The following HELB variants were observed in gnomAD, a reference collection of about 807,000 sequenced individuals.
HELB encodes the protein DNA 5'-3' helicase B.
Under a neutral mutation model 101.7 loss-of-function variants are expected in HELB, and 96 were observed. The ratio of observed to expected loss-of-function variants is 0.94; its 90% CI spans 0.80 to 1.12. The LOEUF (loss-of-function observed/expected upper bound fraction) is 1.12. Among genes scored for constraint, HELB ranks in the 50% most tolerant of loss-of-function variants. The probability of loss-of-function intolerance (pLI) is 0.00; values close to 1 mark genes in which losing one functional copy is unlikely to be tolerated. For synonymous variants in HELB, 437 were observed against 459.7 expected, an observed-to-expected ratio of 0.95 and a Z score of 0.63; for missense variants, 1,210 against 1,291.9, an observed-to-expected ratio of 0.94 and a Z score of 0.97.
At chr12:66,307,087 A>C (rs971476883) in intron 3 of HELB, among the ~76,000 whole-genome samples, 15 of 152,210 alleles carry the variant, frequency 9.9e-5, no homozygotes, top group African/African-American at 3.6e-4. Flanking sequence ...TTGGAAACCA[A>C]ATGTGGTACT....
Position 66,315,374 on chromosome 12 carries a change from A to ATGC in HELB, c.1993_1995dup (p.Ala665dup). On this transcript the variant is annotated inframe_insertion, in exon 6 of 13. Coordinates refer to ENST00000247815, the MANE Select transcript of HELB (RefSeq NM_001370285.1). ...GCAGAATCTCAGCTCATTGTGGACAATGCTACAAGGTATAATATTACTAAG... is the reference window on the plus strand; with the variant it reads ...GCAGAATCTCAGCTCATTGTGGACAATGCTGCTACAAGGTATAATATTACTAAG... 1 of 1,588,570 alleles carries ATGC rather than the reference A, an allele frequency of 6.3e-7. No homozygotes were observed. The highest frequency in any genetic ancestry group is 1.2e-5 in the South Asian group (1 of 86,038).
At position 66,318,789 on chromosome 12, in the gene HELB, T is replaced by C; in HGVS notation, c.2152T>C (p.Ser718Pro). The change falls in exon 7 of 13, where the codon TCT becomes CCT. Residue 718 changes from serine (S) to proline (P), a missense_variant. This residue lies in a region of HELB where 740 missense variants were observed against 728.8 expected (regional missense o/e 1.02). Transcript: ENST00000247815. ...SSQSSKTNHH[S>P]CLYSAVKTLL... ...TCAGTCATCTAAAACTAATCATCAC[T>C]CTTGTAAGTATAAACTTCTATGAGA... The C allele has an allele frequency of 6.2e-7, 1 of 1,600,048 alleles. No homozygotes were observed. Among genetic ancestry groups the C allele is most frequent in the Non-Finnish European group, 8.5e-7 (1 of 1,175,642 alleles).
intron 10 of HELB, chr12:66,324,631 C>A: frequency 3.4e-6 from 1 of 295,938 alleles, no homozygotes; most frequent in Non-Finnish European, 6.4e-6. Context: ...GTGTAGATAC[C>A]CTCACTGAAA....
At chr12:66,320,354 C>A (rs2053656398) in intron 7 of HELB, among the ~76,000 whole-genome samples, 1 of 152,250 alleles carries the variant, frequency 6.6e-6, no homozygotes, top group Non-Finnish European at 1.5e-5. Context: ...TATCCATATA[C>A]AATCATATTT....
At chr12:66,340,295 C>G (rs529218505), downstream of HELB, 1 of 152,238 alleles carries the variant, frequency 6.6e-6, no homozygotes, top group South Asian at 2.1e-4. Flanking sequence ...TATCTGACTT[C>G]TTGATTATAG....
At chr12:66,312,648 TTAATATC>T (rs1190258783) in intron 4 of HELB, among the ~76,000 whole-genome samples, 1 of 152,216 alleles carries the variant, frequency 6.6e-6, no homozygotes, top group African/African-American at 2.4e-5. Context: ...TGGTAGTATC[TTAATATC>T]TGCTTGGGAT....
chr12:66,307,444 T>G (rs1383951344), intron 3 of HELB, among the ~76,000 whole-genome samples: 1 of 152,194 alleles, frequency 6.6e-6, no homozygotes. Flanking sequence ...TTTTTAGCTC[T>G]TTTAGAGGTC....
intron 6 of HELB, among the ~76,000 whole-genome samples, chr12:66,316,179 T>C (rs1215106642): frequency 2.0e-5 from 3 of 152,144 alleles, no homozygotes; most frequent in Non-Finnish European, 4.4e-5. Context: ...CTAGGAGCAA[T>C]AGGCTGTACT....
Position 66,310,285 on chromosome 12 carries a change from C to A in HELB, c.1357C>A (p.Pro453Thr). Residue 453 changes from proline to threonine, a missense_variant, in exon 4 of 13, where the codon CCA (proline) becomes ACA (threonine). Physicochemically the swap from Pro to Thr is conservative, Grantham distance 38 (BLOSUM62 -1). Transcript: ENST00000247815. ...VQLDQDQVEV[P>T]LDRDQVAALE... The stretch of plus-strand genomic sequence containing the variant: ...GCTGGATCAGGATCAGGTTGAAGTT[C>A]CACTGGATCGGGATCAGGTGGCTGC... 1 of 1,614,092 alleles carries A rather than the reference C, an allele frequency of 6.2e-7. No individual in the cohort carries two copies. Among genetic ancestry groups the A allele is most frequent in the Non-Finnish European group, 8.5e-7 (1 of 1,180,032 alleles).
At chr12:66,334,565 A>G (rs1365585319) in intron 12 of HELB, among the ~76,000 whole-genome samples, 1 of 151,952 alleles carries the variant, frequency 6.6e-6, no homozygotes, top group Non-Finnish European at 1.5e-5. Flanking sequence ...ACTTGAGCCC[A>G]GAAGTTCAAG....
chr12:66,331,738 A>G (rs1565644651), intron 12 of HELB, 93 bp downstream of exon 12: 2 of 1,213,360 alleles, frequency 1.6e-6, no homozygotes, highest in East Asian at 4.7e-5. Flanking sequence ...TTAGTGTTGC[A>G]TTGTGCTGTT....
At chr12:66,322,229 G>A (rs1371459383) in intron 8 of HELB, among the ~76,000 whole-genome samples, 200 bp downstream of exon 8, 2 of 152,090 alleles carry the variant, frequency 1.3e-5, no homozygotes, top group Non-Finnish European at 2.9e-5. Flanking sequence ...ATATTTAGAA[G>A]CTCATAGGGA....
chr12:66,340,081 T>C (rs1473846480), downstream of HELB: 1 of 152,278 alleles, frequency 6.6e-6, no homozygotes, highest in Non-Finnish European at 1.5e-5. Context: ...TATGAACATC[T>C]GTGTATAAGT....
Position 66,318,628 on chromosome 12 carries a change from T to A in HELB, c.2001-10T>A. 6.3e-7 allele frequency: 1 copy of A among 1,594,224 alleles called. No individual in the cohort carries two copies. The highest frequency in any genetic ancestry group is 8.5e-7 in the Non-Finnish European group (1 of 1,175,014). On this transcript the variant is annotated splice_polypyrimidine_tract_variant and intron_variant, in intron 6 of 12. Transcript: ENST00000247815. Reference sequence around the variant, plus strand: ...ATGTTCTTTGTGTGTGTGTGTTATCTTTATTCAAGAATCTCAAGACGCCAA... The same window carrying A: ...ATGTTCTTTGTGTGTGTGTGTTATCATTATTCAAGAATCTCAAGACGCCAA...
intron 12 of HELB, among the ~76,000 whole-genome samples, chr12:66,337,511 G>A (rs1193363319): frequency 6.6e-6 from 1 of 151,864 alleles, no homozygotes; most frequent in Non-Finnish European, 1.5e-5. Flanking sequence ...AGAATCATTA[G>A]TAGCACAAAG....
At chr12:66,317,196 CAA>C (rs144397387) in intron 6 of HELB, among the ~76,000 whole-genome samples, 2 of 141,780 alleles carry the variant, frequency 1.4e-5, no homozygotes, top group African/African-American at 5.2e-5. Context: ...GACTCCATCT[CAA>C]AAAAAAAAAA....
intron 7 of HELB, 83 bp from the exon 8 acceptor site, chr12:66,321,865 G>A (rs907165111): frequency 1.9e-5 from 12 of 628,298 alleles, no homozygotes; most frequent in East Asian, 1.2e-4. Flanking sequence ...GCCCTTAGCA[G>A]GAATCCCAGA....
At position 66,331,617 on chromosome 12, in the gene HELB, A is replaced by G. The variant is rs753202525; in HGVS notation, c.3134A>G (p.Asp1045Gly). ...TCCAAAAGAACCTGTGGTGTGAATG[A>G]TGATGAAAGTCCAAGCAAAATTTTT... ...RASKRTCGVN[D>G]DESPSKIFMV... The change falls in exon 12 of 13, where the codon GAT becomes GGT. Residue 1045 changes from aspartate (D) to glycine (G), a missense_variant. Coordinates refer to ENST00000247815, the MANE Select transcript of HELB (RefSeq NM_001370285.1). The G allele has an allele frequency of 6.2e-7, 1 of 1,603,612 alleles. No individual in the cohort carries two copies.
rs1297130365 is a variant in HELB at position 66,331,572 on chromosome 12, A to G, written c.3089A>G (p.Asp1030Gly). Residue 1030 changes from aspartate to glycine, a missense_variant, in exon 12 of 13, where the codon GAT becomes GGT. Around this residue, in one of 2 missense-constraint regions of HELB, gnomAD observed 740 missense variants for 728.8 expected, o/e 1.02. Coordinates refer to ENST00000247815, the MANE Select transcript of HELB (RefSeq NM_001370285.1). ...SSPDGVDTDD[D>G]LPKSRASKRT... ...CCTGATGGAGTAGATACAGATGATG[A>G]TTTACCAAAATCGCGAGCATCCAAA... The G allele has an allele frequency of 6.2e-7, 1 of 1,613,398 alleles. No individual in the cohort carries two copies. The highest frequency in any genetic ancestry group is 8.5e-7 in the Non-Finnish European group (1 of 1,179,962).
Sources: allele counts gnomAD v4.1 joint callset (sites outside exome capture counted in the v4.1 genomes callset), GRCh38; gene constraint gnomAD v4.1.1; regional missense constraint gnomAD v4.1.1; transcripts MANE v1.5; gene names NCBI Gene and HGNC (gene_info 2026-07-23, HGNC 2026-07-21).